The following CAST variants were observed in gnomAD, a reference collection of about 807,000 sequenced individuals.
CAST encodes MIR583 host.
Under a neutral mutation model 119.6 loss-of-function variants are expected in CAST, and 76 were observed. The ratio of observed to expected loss-of-function variants is 0.64; its 90% CI spans 0.53 to 0.77. The LOEUF (loss-of-function observed/expected upper bound fraction) is 0.77. Among genes scored for constraint, CAST ranks in the 30% least tolerant of loss-of-function variants. CAST has a pLI of 0.00. For missense variants in CAST, 953 were observed against 946.5 expected, an observed-to-expected ratio of 1.01 and a Z score of -0.09; for synonymous variants, 319 against 331.6, an observed-to-expected ratio of 0.96 and a Z score of 0.41.
the CAST span, among the ~76,000 whole-genome samples, chr5:96,195,918 T>C: frequency 6.6e-6 from 1 of 152,206 alleles, no homozygotes; most frequent in Admixed American, 6.5e-5. Context: ...GGGTCCTTTG[T>C]TATTTTGAAA....
chr5:96,346,520 A>G, the CAST span, among the ~76,000 whole-genome samples: 1 of 152,178 alleles, frequency 6.6e-6, no homozygotes, highest in African/African-American at 2.4e-5. Flanking sequence ...TGAAGTGAAC[A>G]GACTCTTTCT....
the CAST span, among the ~76,000 whole-genome samples, chr5:96,403,185 G>GT: frequency 2.0e-5 from 3 of 152,146 alleles, no homozygotes; most frequent in Non-Finnish European, 4.4e-5. Flanking sequence ...AGGTTATTTT[G>GT]TTTTAAAAAT....
At chr5:96,762,519 G>T in intron 25 of CAST, 147 bp downstream of exon 25, 1 of 530,448 alleles carries the variant, frequency 1.9e-6, no homozygotes, top group South Asian at 3.4e-5. Context: ...CGAGACTGAT[G>T]ATTTAGCGAG....
At chr5:96,392,882 T>A in the CAST span, 1 of 1,012,548 alleles carries the variant, frequency 9.9e-7, no homozygotes, top group Non-Finnish European at 1.5e-6. Context: ...AAAGAAAAGG[T>A]GCCACAAAGG....
At chr5:96,270,358 T>C in the CAST span, among the ~76,000 whole-genome samples, 13 of 152,100 alleles carry the variant, frequency 8.5e-5, no homozygotes, top group Non-Finnish European at 1.6e-4. Context: ...CTTTTACCAC[T>C]TTTATTTAAC....
the CAST span, among the ~76,000 whole-genome samples, chr5:96,304,994 A>G: frequency 6.6e-6 from 1 of 152,150 alleles, no homozygotes; most frequent in Non-Finnish European, 1.5e-5. Context: ...AAGAAAGTCA[A>G]TGGTAGCTTG....
At chr5:96,545,841 C>T (rs576614575) in intron 1 of CAST, among the ~76,000 whole-genome samples, 3 of 152,326 alleles carry the variant, frequency 2.0e-5, no homozygotes, top group Admixed American at 2.0e-4. Flanking sequence ...AGTGAATGTC[C>T]TTTGATAACC....
At chr5:96,710,273 T>C (rs897268692) in intron 3 of CAST, among the ~76,000 whole-genome samples, 8 of 152,190 alleles carry the variant, frequency 5.3e-5, no homozygotes, top group Non-Finnish European at 8.8e-5. Flanking sequence ...GAGACAGAGA[T>C]TGTCACCAGG....
chr5:96,747,496 C>A, intron 18 of CAST, 104 bp downstream of exon 18: 1 of 757,598 alleles, frequency 1.3e-6, no homozygotes, highest in Non-Finnish European at 2.3e-6. Context: ...GACTTGCATG[C>A]TAACCTAGTA....
At chr5:96,588,141 A>G (rs1299905602) in intron 1 of CAST, among the ~76,000 whole-genome samples, 1 of 147,034 alleles carries the variant, frequency 6.8e-6, no homozygotes. Context: ...TGCAATTAAT[A>G]TGGATGTTAT....
the CAST span, among the ~76,000 whole-genome samples, chr5:96,498,913 C>T: frequency 6.6e-6 from 1 of 151,900 alleles, no homozygotes; most frequent in East Asian, 1.9e-4. Flanking sequence ...TATGGAGGAC[C>T]ATTCTTCTTC....
the CAST span, among the ~76,000 whole-genome samples, chr5:96,133,675 T>C: frequency 6.6e-6 from 1 of 152,360 alleles, no homozygotes; most frequent in East Asian, 1.9e-4. Flanking sequence ...TTTTGTAATA[T>C]TTTAAATTCT....
At chr5:96,462,946 T>G in the CAST span, among the ~76,000 whole-genome samples, 2 of 152,156 alleles carry the variant, frequency 1.3e-5, no homozygotes, top group Non-Finnish European at 1.5e-5. Flanking sequence ...ATTGTAAGTT[T>G]CCTGAGGCTT....
At chr5:96,213,296 A>G in the CAST span, 1 of 152,042 alleles carries the variant, frequency 6.6e-6, no homozygotes, top group Non-Finnish European at 1.5e-5. Flanking sequence ...TATTTATTTC[A>G]AATATTTGAA....
At chr5:96,186,320 CTGTTTGAATACCCTTCA>C in the CAST span, among the ~76,000 whole-genome samples, 2 of 152,102 alleles carry the variant, frequency 1.3e-5, no homozygotes, top group African/African-American at 4.8e-5. Flanking sequence ...TCCTCCCTTC[CTGTTTGAATACCCTTCA>C]TTTCTTTCTT....
the CAST span, among the ~76,000 whole-genome samples, chr5:96,397,082 G>A: frequency 3.9e-5 from 6 of 152,294 alleles, no homozygotes; most frequent in African/African-American, 1.4e-4. Flanking sequence ...ACCTGGATTT[G>A]TCCCACAGTC....
chr5:96,747,361 C>A lies in CAST; in HGVS notation c.1301C>A (p.Pro434Gln). 6.3e-7 allele frequency: 1 copy of A among 1,598,920 alleles called. No homozygotes were observed. Among genetic ancestry groups the A allele is most frequent in the Non-Finnish European group, 8.6e-7 (1 of 1,167,428 alleles). Residue 434 changes from proline to glutamine, a missense_variant, in exon 18 of 32, where the codon CCA (proline) becomes CAA (glutamine). Physicochemically the swap from Pro to Gln is moderately conservative, Grantham distance 76. Transcript: ENST00000675179. ...CATTTACAGGATAAAGATGGAAAAC[C>A]ACTATTGCCAGAGCCTGAAGAAAAA... ...LKPATDKDGK[P>Q]LLPEPEEKPK...
Position 96,767,027 on chromosome 5 carries a change from TTTA to T in CAST, c.2131-405_2131-403del, listed in dbSNP as rs1376570439. Among the ~76,000 whole-genome samples the T allele has an allele frequency of 2.0e-5, 3 of 152,320 alleles. No individual in the cohort carries two copies. In the East Asian group the frequency reaches 5.8e-4, roughly 29 times the overall value. On this transcript the variant is annotated intron_variant, in intron 27 of 31. Transcript: ENST00000675179. ...CACCCTGCTTGCGTTCTTTGGGAAA[TTTA>T]TTATTTAAGGCCCTTGCCTTTGAAG...
the CAST span, among the ~76,000 whole-genome samples, chr5:96,489,969 G>A: frequency 6.6e-6 from 1 of 152,230 alleles, no homozygotes; most frequent in East Asian, 1.9e-4. Flanking sequence ...ATTTTAAATA[G>A]TAATGAAGAG....
Sources: gnomAD v4.1 joint callset for allele counts (sites outside exome capture counted in the v4.1 genomes callset) on GRCh38, gnomAD v4.1.1 for gene constraint, MANE v1.5 for transcripts, NCBI Gene and HGNC (gene_info 2026-07-23, HGNC 2026-07-21) for gene names.